LHFPL6: variants seen among roughly 807,000 people sequenced by gnomAD.
LHFPL6 encodes LHFPL tetraspan subfamily member 6.
In LHFPL6, 9 loss-of-function variants were observed where a neutral mutation model predicts 20.6. The ratio of observed to expected loss-of-function variants is 0.44; its 90% confidence interval spans 0.26 to 0.76. The LOEUF (loss-of-function observed/expected upper bound fraction) is 0.76, where lower values mean the gene tolerates loss of function less well. LHFPL6 is among the 30% of genes least tolerant of loss of function. LHFPL6 has a pLI of 0.20. For missense variants in LHFPL6, 218 were observed against 253.5 expected, an observed-to-expected ratio of 0.86 and a Z score of 0.95; for synonymous variants, 105 against 98.7, an observed-to-expected ratio of 1.06 and a Z score of -0.38.
At chr13:39,385,238 T>C (rs1313433394) in intron 2 of LHFPL6, among the ~76,000 whole-genome samples, 3 of 152,236 alleles carry the variant, frequency 2.0e-5, no homozygotes, top group African/African-American at 4.8e-5. Flanking sequence ...ATCCAACAGA[T>C]GACTTGATAA....
chr13:39,393,781 T>C (rs920889282), intron 2 of LHFPL6, among the ~76,000 whole-genome samples: 1 of 152,150 alleles, frequency 6.6e-6, no homozygotes, highest in African/African-American at 2.4e-5. Context: ...TTTATTCTCG[T>C]TCTAGAGACT....
At chr13:39,594,198 A>T (rs377514920) in intron 2 of LHFPL6, among the ~76,000 whole-genome samples, 4 of 152,196 alleles carry the variant, frequency 2.6e-5, no homozygotes, top group South Asian at 4.1e-4. Context: ...AATGGGAGAA[A>T]ATTTTCGCAA....
intron 2 of LHFPL6, among the ~76,000 whole-genome samples, chr13:39,435,298 G>GT (rs1282877786): frequency 6.6e-6 from 1 of 151,978 alleles, no homozygotes; most frequent in Non-Finnish European, 1.5e-5. Flanking sequence ...TTGGGCTAAC[G>GT]TTTTATCCAA....
intron 2 of LHFPL6, among the ~76,000 whole-genome samples, chr13:39,411,794 A>G (rs1871245769): frequency 6.6e-6 from 1 of 152,248 alleles, no homozygotes; most frequent in Non-Finnish European, 1.5e-5. Context: ...ACTGCCAGCT[A>G]TTTACAAAAT....
At position 39,343,696 on chromosome 13, in the gene LHFPL6, C is replaced by A. The variant is rs77539247; in HGVS notation, c.*240G>T. 4.9e-3 allele frequency: 1,985 copies of A among 405,334 alleles called. 33 individuals carry two copies. Among genetic ancestry groups the A allele is most frequent in the African/African-American group, 0.035 (1,748 of 49,496 alleles). The allele number at this position is 405,334 out of a possible 1,614,324, so 25.1% of individuals were successfully genotyped here. A position where few individuals can be genotyped will look rare whatever the true frequency, so the allele number is the denominator to read the frequency against. On this transcript the variant is annotated 3_prime_UTR_variant, in exon 4 of 4. Transcript: ENST00000379589. ...TGGAATAGAAACACCCGATGCCCTG[C>A]AATATTTTTAGCCTTTGGTCCATTT...
chr13:39,572,654 T>C (rs922057178), intron 2 of LHFPL6, among the ~76,000 whole-genome samples: 1 of 152,188 alleles, frequency 6.6e-6, no homozygotes, highest in African/African-American at 2.4e-5. Context: ...CGGTTCTGTG[T>C]CTCCTCCACT....
intron 2 of LHFPL6, among the ~76,000 whole-genome samples, chr13:39,498,635 A>G (rs1410319956): frequency 1.3e-5 from 2 of 152,248 alleles, no homozygotes; most frequent in Non-Finnish European, 2.9e-5. Flanking sequence ...GTAAAGCTAC[A>G]TTAGGAAGAG....
chr13:39,475,085 T>C (rs899429394), intron 2 of LHFPL6, among the ~76,000 whole-genome samples: 1 of 152,162 alleles, frequency 6.6e-6, no homozygotes. Flanking sequence ...TTGATTCAAG[T>C]GGTCCCAGGA....
chr13:39,395,430 A>T (rs1334748660), intron 2 of LHFPL6, among the ~76,000 whole-genome samples: 1 of 152,164 alleles, frequency 6.6e-6, no homozygotes. Flanking sequence ...TGCTTTGTGT[A>T]CTATTTCCCA....
intron 2 of LHFPL6, among the ~76,000 whole-genome samples, chr13:39,451,697 C>T (rs1872447131): frequency 6.6e-6 from 1 of 152,184 alleles, no homozygotes; most frequent in Non-Finnish European, 1.5e-5. Flanking sequence ...TATGTCTCTA[C>T]TGTTAATATT....
chr13:39,395,622 G>C (rs1227064082), intron 2 of LHFPL6, among the ~76,000 whole-genome samples: 1 of 152,220 alleles, frequency 6.6e-6, no homozygotes, highest in African/African-American at 2.4e-5. Flanking sequence ...CAGGGTTTCT[G>C]CTGTGGAGTC....
intron 2 of LHFPL6, among the ~76,000 whole-genome samples, chr13:39,399,464 G>A (rs540425526): frequency 1.2e-4 from 19 of 152,140 alleles, no homozygotes; most frequent in Non-Finnish European, 2.1e-4. Context: ...AGACAAACTT[G>A]GAAGCAAGAG....
intron 2 of LHFPL6, among the ~76,000 whole-genome samples, chr13:39,467,160 C>CCTTATTCATCT (rs1341849356): frequency 3.3e-5 from 5 of 152,158 alleles, no homozygotes; most frequent in Non-Finnish European, 7.4e-5. Flanking sequence ...CCTTAACTGC[C>CCTTATTCATCT]GTTATTCATC....
intron 2 of LHFPL6, among the ~76,000 whole-genome samples, chr13:39,445,627 C>T (rs975236629): frequency 6.6e-5 from 10 of 152,154 alleles, no homozygotes; most frequent in African/African-American, 2.4e-4. Context: ...CTAATGTTTG[C>T]TTTTCATAAT....
intron 2 of LHFPL6, among the ~76,000 whole-genome samples, chr13:39,552,575 T>G (rs1593360075): frequency 6.6e-6 from 1 of 152,224 alleles, no homozygotes; most frequent in African/African-American, 2.4e-5. Flanking sequence ...GACCACTGGA[T>G]AGGCGTAATA....
intron 2 of LHFPL6, among the ~76,000 whole-genome samples, chr13:39,504,740 A>G (rs188327786): frequency 2.6e-5 from 4 of 152,342 alleles, no homozygotes; most frequent in Admixed American, 1.3e-4. Flanking sequence ...ATTCTGAGGT[A>G]CTGAAGGTTA....
At chr13:39,567,597 T>C (rs1323123366) in intron 2 of LHFPL6, among the ~76,000 whole-genome samples, 7 of 152,178 alleles carry the variant, frequency 4.6e-5, no homozygotes, top group Admixed American at 4.6e-4. Context: ...TCCTCTCCTC[T>C]TCTACCTTTT....
intron 2 of LHFPL6, among the ~76,000 whole-genome samples, chr13:39,515,843 T>G (rs1030288117): frequency 3.3e-5 from 5 of 152,114 alleles, no homozygotes; most frequent in African/African-American, 4.8e-5. Flanking sequence ...TAATAAAAAC[T>G]ATTTGTTTTC....
rs1421378812 is a variant in LHFPL6, at chr13:39,584,383, T to C, written c.385+16449A>G. Among the ~76,000 whole-genome samples, 6 of 151,980 alleles carry C rather than the reference T, an allele frequency of 3.9e-5. No individual in the cohort carries two copies. The East Asian group carries it at 1.2e-3, about 30-fold the overall frequency. ...CTCTACCAAAAATACAAAAATTAGC[T>C]GGGCGTGGTGGCACATGCCTGTAAT... On this transcript the variant is annotated intron_variant, in intron 2 of 3. Transcript: ENST00000379589.
Sources: allele counts gnomAD v4.1 joint callset (sites outside exome capture counted in the v4.1 genomes callset), GRCh38; gene constraint gnomAD v4.1.1; transcripts MANE v1.5; gene names NCBI Gene and HGNC (gene_info 2026-07-23, HGNC 2026-07-21).